The following SLC16A8 variants were observed in gnomAD, a reference collection of about 807,000 sequenced individuals.
SLC16A8 encodes the protein solute carrier family 16 member 8, also known as monocarboxylate transporter 3.
A neutral mutation model predicts 22.4 loss-of-function variants in SLC16A8; 20 were observed. The ratio of observed to expected loss-of-function variants is 0.89; its 90% CI spans 0.63 to 1.30. The LOEUF is 1.30. Among genes scored for constraint, SLC16A8 ranks in the 50% most tolerant of loss-of-function variants. The probability of loss-of-function intolerance (pLI) is 0.00; values close to 1 mark genes in which losing one functional copy is unlikely to be tolerated. For synonymous variants in SLC16A8, 393 were observed against 358.8 expected, an observed-to-expected ratio of 1.10 and a Z score of -1.08; for missense variants, 817 against 740.3, an observed-to-expected ratio of 1.10 and a Z score of -1.20.
chr22:38,083,191 A>G lies in SLC16A8; in HGVS notation c.-158T>C, dbSNP rs563368778. 5 of 390,714 alleles carry G rather than the reference A, an allele frequency of 1.3e-5. No homozygotes were observed. In the South Asian group the frequency reaches 1.8e-4, roughly 14 times the overall value. 24.2% of individuals were successfully genotyped at this position (390,714 alleles called of 1,614,324 possible). On this transcript the variant is annotated 5_prime_UTR_variant, in exon 2 of 6. Coordinates refer to ENST00000681075, the MANE Select transcript of SLC16A8 (RefSeq NM_013356.3). Reference sequence around the variant, plus strand: ...GAAGGCGTCGGGAAGTGGAGCAGGTATGTGCCTGGAGGTGGGCGTCCAGCA... The same window carrying G: ...GAAGGCGTCGGGAAGTGGAGCAGGTGTGTGCCTGGAGGTGGGCGTCCAGCA...
rs2085916700 is a variant in SLC16A8 at position 38,081,472 on chromosome 22, G to A, written c.566C>T (p.Ala189Val). Reference sequence around the variant, plus strand: ...CGGCGGCCTCATGACAGCCCCGCAGGCGCAGCAGTGCAGCAGGAGCCCGCC... The same window carrying A: ...CGGCGGCCTCATGACAGCCCCGCAGACGCAGCAGTGCAGCAGGAGCCCGCC... ...LLGGLLLHCC[A>V]CGAVMRPPPG... is the part of the protein sequence containing the mutation. Residue 189 changes from alanine to valine, a missense_variant, in exon 5 of 6, where the codon GCC becomes GTC. Transcript: ENST00000681075. The A allele has an allele frequency of 7.4e-7, 1 of 1,343,204 alleles. No homozygotes were observed. The highest frequency in any genetic ancestry group is 1.9e-5 in the South Asian group (1 of 51,356). 83.2% of individuals were successfully genotyped at this position (1,343,204 alleles called of 1,614,324 possible).
intron 3 of SLC16A8, 34 bp downstream of exon 3, chr22:38,082,626 C>G (rs1480957094): frequency 6.6e-7 from 1 of 1,513,434 alleles, no homozygotes; most frequent in African/African-American, 1.4e-5. Context: ...CCCAGGGGTC[C>G]CGGGGAGGCG....
intron 4 of SLC16A8, 42 bp downstream of exon 4, chr22:38,081,847 C>A: frequency 6.4e-7 from 1 of 1,561,122 alleles, no homozygotes; most frequent in Admixed American, 1.9e-5. Flanking sequence ...GCAAGAACCC[C>A]CGACCCCCAA....
In SLC16A8 at chr22:38,082,075, T is replaced by G. The variant is rs917779484; in HGVS notation, c.215-43A>C. On this transcript the variant is annotated intron_variant, in intron 3 of 5. Coordinates refer to ENST00000681075, the MANE Select transcript of SLC16A8 (RefSeq NM_013356.3). ...TCACCACCCGGGTCCCGGGATGGCT[T>G]GAGTCCTCTAAGGAATAAGGTCACC... 1.9e-6 allele frequency: 3 copies of G among 1,539,780 alleles called. No individual in the cohort carries two copies. The African/African-American group carries it at 4.1e-5, about 21-fold the overall frequency.
chr22:38,083,139 A>C lies in SLC16A8; in HGVS notation c.-106T>G, dbSNP rs1359650046. On this transcript the variant is annotated 5_prime_UTR_variant, in exon 2 of 6. Transcript: ENST00000681075. ...CTCTGCAGGCTCCCTCTGAAGGACA[A>C]CTGCTGGCCCCTCAGGGCCTCAGGT... 4.1e-6 allele frequency: 2 copies of C among 490,732 alleles called. No individual in the cohort carries two copies. The highest frequency in any genetic ancestry group is 3.3e-5 in the East Asian group (1 of 30,584). The allele number at this position is 490,732 out of a possible 1,614,324, so 30.4% of individuals were successfully genotyped here.
At position 38,082,845 on chromosome 22, in the gene SLC16A8, T is replaced by C; in HGVS notation, c.29A>G (p.Glu10Gly). Residue 10 changes from glutamate to glycine, a missense_variant, in exon 3 of 6, where the codon GAG becomes GGG. Physicochemically the swap from Glu to Gly is moderately conservative, Grantham distance 98. Coordinates refer to ENST00000681075, the MANE Select transcript of SLC16A8 (RefSeq NM_013356.3). ...GCCCCAGCCGCCGTCTGGGGGGCCC[T>C]CGCCCCGCCGGGGGCCGCCAGCGCC... Reference protein sequence around the residue: MGAGGPRRGEGPPDGGWGWV... With the variant: MGAGGPRRGGGPPDGGWGWV... 6.4e-7 allele frequency: 1 copy of C among 1,560,806 alleles called. No homozygotes were observed. Among genetic ancestry groups the C allele is most frequent in the Non-Finnish European group, 8.6e-7 (1 of 1,158,016 alleles).
intron 3 of SLC16A8, among the ~76,000 whole-genome samples, 194 bp from the exon 4 acceptor site, chr22:38,082,226 C>A (rs2085929033): frequency 6.6e-6 from 1 of 152,248 alleles, no homozygotes; most frequent in South Asian, 2.1e-4. Flanking sequence ...CGAACCCAAA[C>A]CCCAAGCGGA....
In SLC16A8 at chr22:38,081,240, C is replaced by A. The variant is rs767096054; in HGVS notation, c.798G>T (p.Gly266=). 1 of 1,583,500 alleles carries A rather than the reference C, an allele frequency of 6.3e-7. No homozygotes were observed. The highest frequency in any genetic ancestry group is 1.2e-5 in the South Asian group (1 of 86,884). The part of the protein sequence containing the change: ...YAVTKFLMAL[G]LFVPAILLVN... The stretch of plus-strand genomic sequence containing the variant: ...CCAGCAGGATGGCGGGGACGAAGAG[C>A]CCGAGCGCCATCAGGAACTTGGTGA... The change falls in exon 5 of 6, where the codon GGG becomes GGT. Residue 266 remains glycine, a synonymous_variant. Transcript: ENST00000681075.
Position 38,078,652 on chromosome 22 carries a change from G to A in SLC16A8, c.1251C>T (p.Gly417=). The change falls in exon 6 of 6, where the codon GGC becomes GGT. Residue 417 remains glycine (G), a synonymous_variant. Transcript: ENST00000681075. ...KNYEIIFYLA[G]SEVALAGVFM... ...AGACCCCAGCCAGGGCCACCTCAGA[G>A]CCGGCCAGGTAGAAGATGATCTCAT... is the stretch of plus-strand genomic sequence containing the variant. The A allele has an allele frequency of 1.9e-6, 3 of 1,613,716 alleles. No homozygotes were observed. The highest frequency in any genetic ancestry group is 1.1e-5 in the South Asian group (1 of 91,080).
Position 38,081,096 on chromosome 22 carries a change from A to T in SLC16A8, c.942T>A (p.Arg314=). Residue 314 remains arginine, a synonymous_variant, in exon 5 of 6, where the codon CGT becomes CGA. Transcript: ENST00000681075. ...ACAGATACGGGACGTGCGGCCGCAG[A>T]CGCGCCAGGCCCGCCAGGGCGCCGC... ...PACGALAGLA[R]LRPHVPYLFS... is the part of the protein sequence containing the mutation. 1.3e-6 allele frequency: 2 copies of T among 1,557,414 alleles called. No individual in the cohort carries two copies. Among genetic ancestry groups the T allele is most frequent in the Non-Finnish European group, 1.7e-6 (2 of 1,153,922 alleles).
At chr22:38,083,785 GGGGATA>G (rs1333999595) in intron 1 of SLC16A8, among the ~76,000 whole-genome samples, 197 bp downstream of exon 1, 3 of 89,792 alleles carry the variant, frequency 3.3e-5, no homozygotes, top group Admixed American at 2.3e-4. Context: ...GCCGGGGGCT[GGGGATA>G]GCCTCCTGCC....
intron 2 of SLC16A8, 65 bp downstream of exon 2, chr22:38,082,977 G>T: frequency 2.6e-6 from 2 of 782,368 alleles, no homozygotes; most frequent in South Asian, 1.8e-5. Flanking sequence ...TGAGGCACAG[G>T]GCTACCCACG....
rs1168978940 is a variant in SLC16A8 at position 38,082,688 on chromosome 22, G to A, written c.186C>T (p.Ser62=). 1.3e-6 allele frequency: 2 copies of A among 1,587,914 alleles called. No individual in the cohort carries two copies. Among genetic ancestry groups the A allele is most frequent in the Non-Finnish European group, 1.7e-6 (2 of 1,169,022 alleles). ...TGCCGTAGAGCATGGCTAGCATGAT[G>A]GAGGACACCCAGGCCGTGTCGCTGT... The part of the protein sequence containing the change: ...AGYSDTAWVS[S]IMLAMLYGTG... Residue 62 remains serine (S), a synonymous_variant, in exon 3 of 6, where the codon TCC becomes TCT. Transcript: ENST00000681075.
chr22:38,078,596 C>A lies in SLC16A8; in HGVS notation c.1307G>T (p.Arg436Leu). ...FMAVATNCCL[R>L]CAKAAPSGPG... ...GCCTGACGGGGCAGCTTTAGCACAA[C>A]GCAGGCAGCAGTTGGTGGCGACAGC... The change falls in exon 6 of 6, where the codon CGT (arginine) becomes CTT (leucine). Residue 436 changes from arginine (R) to leucine (L), a missense_variant. Arg to Leu is a moderately radical substitution (Grantham distance 102). Coordinates refer to ENST00000681075, the MANE Select transcript of SLC16A8 (RefSeq NM_013356.3). The A allele has an allele frequency of 6.2e-7, 1 of 1,614,072 alleles. No individual in the cohort carries two copies. Among genetic ancestry groups the A allele is most frequent in the Non-Finnish European group, 8.5e-7 (1 of 1,180,022 alleles).
In SLC16A8 at chr22:38,083,360, G is replaced by A. The variant is rs2085950205; in HGVS notation, c.-327C>T. 1 of 159,992 alleles carries A rather than the reference G, an allele frequency of 6.3e-6. No individual in the cohort carries two copies. The allele number at this position is 159,992 out of a possible 1,614,324, so 9.9% of individuals were successfully genotyped here. On this transcript the variant is annotated splice_region_variant and 5_prime_UTR_variant, in exon 2 of 6. Coordinates refer to ENST00000681075, the MANE Select transcript of SLC16A8 (RefSeq NM_013356.3). Reference sequence around the variant, plus strand: ...CTAATGTTTCTCAGTGATCACAAATGACTATTGTCATTAGAACATTAAGGG... The same window carrying A: ...CTAATGTTTCTCAGTGATCACAAATAACTATTGTCATTAGAACATTAAGGG...
Position 38,080,999 on chromosome 22 carries a change from C to A in SLC16A8, c.1039G>T (p.Val347Phe), listed in dbSNP as rs775028837. ...AGGCCGAAGGCGACGCAGAAGGCGA[C>A]GAGGGCGCCGTAGGAGCGCGCGCGT... is the stretch of plus-strand genomic sequence containing the variant. ...SARARSYGAL[V>F]AFCVAFGLSY... The change falls in exon 5 of 6, where the codon GTC (valine) becomes TTC (phenylalanine). Residue 347 changes from valine (V) to phenylalanine (F), a missense_variant. Transcript: ENST00000681075. 6.3e-7 allele frequency: 1 copy of A among 1,598,466 alleles called. No individual in the cohort carries two copies. Among genetic ancestry groups the A allele is most frequent in the South Asian group, 1.1e-5 (1 of 89,980 alleles).
chr22:38,083,692 G>A (rs1214759676), intron 1 of SLC16A8, among the ~76,000 whole-genome samples: 1 of 138,370 alleles, frequency 7.2e-6, no homozygotes, highest in African/African-American at 2.8e-5. Context: ...TCATTCCTGG[G>A]GCTCCACCCG....
chr22:38,080,882 G>C lies in SLC16A8; in HGVS notation c.1156C>G (p.Leu386Val), dbSNP rs758613374. 1 of 1,552,942 alleles carries C rather than the reference G, an allele frequency of 6.4e-7. No individual in the cohort carries two copies. The highest frequency in any genetic ancestry group is 2.3e-5 in the East Asian group (1 of 42,910). Residue 386 changes from leucine (L) to valine (V), a missense_variant, in exon 5 of 6, where the codon CTC (leucine) becomes GTC (valine). Leu to Val is a conservative substitution (Grantham distance 32). Transcript: ENST00000681075. ...RFPSALGLVLLVEAAAVLIGP... is the reference protein window; with the variant it reads ...RFPSALGLVLVVEAAAVLIGP... ...ATGAGCACAGCCGCGGCCTCCACGA[G>C]CAACACCAGGCCCAGCGCACTGGGG...
chr22:38,081,625 A>G lies in SLC16A8; in HGVS notation c.413T>C (p.Phe138Ser), dbSNP rs2085919521. 6.6e-7 allele frequency: 1 copy of G among 1,522,804 alleles called. No individual in the cohort carries two copies. Among genetic ancestry groups the G allele is most frequent in the African/African-American group, 1.4e-5 (1 of 70,774 alleles). The allele number at this position is 1,522,804 out of a possible 1,614,324, so 94.3% of individuals were successfully genotyped here. ...GTTGGCCAGAGGCCGCCGCCGCTCG[A>G]AGTACAGCCCCAGCATGATGAGCGA... ...QPSLIMLGLY[F>S]ERRRPLANGL... The change falls in exon 5 of 6, where the codon TTC (phenylalanine) becomes TCC (serine). Residue 138 changes from phenylalanine to serine, a missense_variant. Physicochemically the swap from Phe to Ser is radical, Grantham distance 155 (BLOSUM62 -2). Transcript: ENST00000681075.
Sources: gnomAD v4.1 joint callset for allele counts (sites outside exome capture counted in the v4.1 genomes callset) on GRCh38, gnomAD v4.1.1 for gene constraint, MANE v1.5 for transcripts, NCBI Gene and HGNC (gene_info 2026-07-23, HGNC 2026-07-21) for gene names.